Variants in MYT1L observed in about 807,000 individuals in gnomAD.
MYT1L encodes myelin transcription factor 1-like protein.
In MYT1L, 12 loss-of-function variants were observed where a neutral mutation model predicts 126.7. The observed-to-expected ratio is 0.09, with a 90% CI of 0.06 to 0.15. The LOEUF is 0.15. MYT1L is among the 10% of genes least tolerant of loss of function. The probability of loss-of-function intolerance (pLI) is 1.00; values close to 1 mark genes in which losing one functional copy is unlikely to be tolerated. For synonymous variants in MYT1L, 541 were observed against 604.2 expected (o/e 0.90, Z 1.53); for missense variants, 979 against 1,585.2 (o/e 0.62, Z 6.49).
chr2:1,833,075 G>T (rs929927048), intron 21 of MYT1L, among the ~76,000 whole-genome samples: 5 of 152,182 alleles, frequency 3.3e-5, no homozygotes, highest in African/African-American at 1.2e-4. Context: ...GCTGCAGGTT[G>T]AGCTCTCCTC....
Position 2,178,815 on chromosome 2 carries a change from G to GAGA in MYT1L, c.-420-5830_-420-5828dup, listed in dbSNP as rs145198303. Among the ~76,000 whole-genome samples, 576 of 152,332 alleles carry GAGA rather than the reference G, an allele frequency of 3.8e-3. 1 individual carries two copies. The highest frequency in any genetic ancestry group is 0.013 in the African/African-American group (547 of 41,574). The stretch of plus-strand genomic sequence containing the variant: ...CTAACGAACCTGTACAGGGTCAAAA[G>GAGA]AGAAGTGAGCAGAAGGCCCAGGACA... On this transcript the variant is annotated intron_variant, in intron 2 of 24. Coordinates refer to ENST00000647738, the MANE Select transcript of MYT1L (RefSeq NM_001303052.2).
At chr2:1,861,571 G>C (rs1209868086) in intron 18 of MYT1L, among the ~76,000 whole-genome samples, 2 of 151,572 alleles carry the variant, frequency 1.3e-5, no homozygotes, top group Non-Finnish European at 1.5e-5. Flanking sequence ...CGGGGTTTGG[G>C]GGGGTGTTAA....
intron 21 of MYT1L, among the ~76,000 whole-genome samples, chr2:1,830,049 G>A (rs376582721): frequency 2.6e-5 from 4 of 152,192 alleles, no homozygotes; most frequent in Admixed American, 6.5e-5. Flanking sequence ...AGGTCCCCAC[G>A]CACAGACATT....
At chr2:1,987,531 G>A (rs376735874) in intron 5 of MYT1L, among the ~76,000 whole-genome samples, 1 of 152,156 alleles carries the variant, frequency 6.6e-6, no homozygotes, top group African/African-American at 2.4e-5. Context: ...GGGCCCTCAT[G>A]CCCATTCCTT....
At position 2,253,725 on chromosome 2, in the gene MYT1L, G is replaced by A. The variant is rs572115320; in HGVS notation, c.-421+30679C>T. 5.6e-3 allele frequency among the ~76,000 whole-genome samples: 796 copies of A among 141,084 alleles called. 2 individuals are homozygous for A. Among genetic ancestry groups the A allele is most frequent in the African/African-American group, 0.021 (753 of 36,156 alleles). The allele number at this position is 141,084 out of a possible 152,430, so 92.6% of individuals were successfully genotyped here. Reference sequence around the variant, plus strand: ...TCGGAAACAGGAAGCGGGGCAGGAGGGCAAGTCGGAAACAGGAAGCGGGGC... The same window carrying A: ...TCGGAAACAGGAAGCGGGGCAGGAGAGCAAGTCGGAAACAGGAAGCGGGGC... On this transcript the variant is annotated intron_variant, in intron 2 of 24. Transcript: ENST00000647738.
At chr2:1,861,947 G>GCCTGCAGCCTGTGTAATCCTGGATCCT (rs2044716933) in intron 18 of MYT1L, among the ~76,000 whole-genome samples, 3 of 144,598 alleles carry the variant, frequency 2.1e-5, no homozygotes, top group South Asian at 2.2e-4. Context: ...TCCTGGATCT[G>GCCTGCAGCCTGTGTAATCCTGGATCCT]CCTGCAGCCT....
intron 3 of MYT1L, among the ~76,000 whole-genome samples, chr2:2,098,985 G>C (rs1487426565): frequency 1.3e-5 from 2 of 152,296 alleles, no homozygotes; most frequent in East Asian, 3.9e-4. Flanking sequence ...GGATCCACAG[G>C]AAGCAAGCCC....
intron 1 of MYT1L, among the ~76,000 whole-genome samples, chr2:2,307,936 G>C (rs1249246741): frequency 1.3e-5 from 2 of 148,204 alleles, no homozygotes; most frequent in Admixed American, 6.7e-5. Flanking sequence ...TATACTTCAT[G>C]TACACTTCAG....
At chr2:2,077,559 T>C (rs1441618701) in intron 3 of MYT1L, among the ~76,000 whole-genome samples, 3 of 152,126 alleles carry the variant, frequency 2.0e-5, no homozygotes, top group Non-Finnish European at 4.4e-5. Context: ...AGTGAAAGCA[T>C]GGAAAAATAT....
At chr2:2,174,285 C>T (rs976190571) in intron 2 of MYT1L, among the ~76,000 whole-genome samples, 2 of 152,182 alleles carry the variant, frequency 1.3e-5, no homozygotes, top group African/African-American at 4.8e-5. Context: ...GCTATCTACA[C>T]TGGAAAATCT....
chr2:2,276,621 T>G (rs773898431), intron 2 of MYT1L, among the ~76,000 whole-genome samples: 28 of 152,172 alleles, frequency 1.8e-4, no homozygotes, highest in Non-Finnish European at 3.7e-4. Context: ...GGTTGTCACA[T>G]GCAACGATGG....
At chr2:2,256,993 A>G (rs2094829854) in intron 2 of MYT1L, among the ~76,000 whole-genome samples, 1 of 152,122 alleles carries the variant, frequency 6.6e-6, no homozygotes, top group African/African-American at 2.4e-5. Context: ...GAAGTTACTG[A>G]AAAACAGATT....
chr2:2,142,710 G>C (rs1019683305), intron 3 of MYT1L, among the ~76,000 whole-genome samples: 4 of 151,922 alleles, frequency 2.6e-5, no homozygotes, highest in Non-Finnish European at 4.4e-5. Flanking sequence ...TTTTTGAGAA[G>C]GAGTCTTGCT....
At chr2:2,163,954 T>C (rs952671692) in intron 3 of MYT1L, among the ~76,000 whole-genome samples, 2 of 152,148 alleles carry the variant, frequency 1.3e-5, no homozygotes, top group East Asian at 3.8e-4. Flanking sequence ...TTTTTCCTCA[T>C]AATTCTTATT....
At chr2:2,017,428 T>TGGG (rs2064539912) in intron 4 of MYT1L, among the ~76,000 whole-genome samples, 1 of 152,222 alleles carries the variant, frequency 6.6e-6, no homozygotes. Context: ...GCTTGAGAGA[T>TGGG]GGGCTTCCAG....
chr2:1,861,905 T>A (rs1317174345), intron 18 of MYT1L, among the ~76,000 whole-genome samples: 2 of 152,400 alleles, frequency 1.3e-5, no homozygotes, highest in African/African-American at 4.8e-5. Flanking sequence ...CTACAGCCTG[T>A]GTAATCCTGG....
chr2:1,968,406 T>C (rs1340608873), intron 8 of MYT1L, among the ~76,000 whole-genome samples: 1 of 152,182 alleles, frequency 6.6e-6, no homozygotes. Context: ...TCTTCCAAGA[T>C]GTTCATTTTC....
intron 2 of MYT1L, among the ~76,000 whole-genome samples, chr2:2,203,988 C>CTT (rs1175172413): frequency 2.0e-5 from 3 of 152,112 alleles, no homozygotes; most frequent in Non-Finnish European, 4.4e-5. Context: ...TTTGACAAAC[C>CTT]TAACAAAAAC....
chr2:2,211,276 A>T (rs983179452), intron 2 of MYT1L, among the ~76,000 whole-genome samples: 1 of 152,240 alleles, frequency 6.6e-6, no homozygotes, highest in Non-Finnish European at 1.5e-5. Context: ...AAATCACATA[A>T]CAATGACCAC....
Sources: allele counts gnomAD v4.1 joint callset (sites outside exome capture counted in the v4.1 genomes callset), GRCh38; gene constraint gnomAD v4.1.1; transcripts MANE v1.5; gene names NCBI Gene and HGNC (gene_info 2026-07-23, HGNC 2026-07-21).